The following LSAMP variants were observed in gnomAD, a reference collection of about 807,000 sequenced individuals.
The protein encoded by LSAMP is limbic system associated membrane protein.
LSAMP carries 7 observed loss-of-function variants against 38.6 expected under a neutral mutation model. The observed-to-expected ratio is 0.18, with a 90% CI of 0.10 to 0.34. LSAMP has a LOEUF of 0.34. Ranked by LOEUF, LSAMP falls within the 10% of genes least tolerant of loss-of-function variation. The probability of loss-of-function intolerance (pLI) is 1.00; values close to 1 mark genes in which losing one functional copy is unlikely to be tolerated. For synonymous variants in LSAMP, 154 were observed against 166.8 expected (o/e 0.92, Z 0.59); for missense variants, 313 against 420.0 (o/e 0.75, Z 2.23).
chr3:115,812,505 G>A (rs1418014641), intron 6 of LSAMP, among the ~76,000 whole-genome samples: 3 of 151,878 alleles, frequency 2.0e-5, no homozygotes, highest in Non-Finnish European at 4.4e-5. Flanking sequence ...TTGGACTTTT[G>A]GGACCTTCAA....
intron 3 of LSAMP, among the ~76,000 whole-genome samples, chr3:115,987,207 TCTAAGC>T (rs1239199956): frequency 6.6e-6 from 1 of 152,182 alleles, no homozygotes; most frequent in East Asian, 1.9e-4. Context: ...AGATCACATT[TCTAAGC>T]CTCCCCTGTG....
chr3:116,156,838 T>C (rs1192658300), intron 1 of LSAMP, among the ~76,000 whole-genome samples: 4 of 152,080 alleles, frequency 2.6e-5, no homozygotes, highest in African/African-American at 9.7e-5. Flanking sequence ...TTGTCTTAAG[T>C]AGAAAAATGT....
intron 1 of LSAMP, among the ~76,000 whole-genome samples, chr3:116,357,559 G>A (rs1299517060): frequency 6.6e-6 from 1 of 151,956 alleles, no homozygotes; most frequent in African/African-American, 2.4e-5. Context: ...AGAATACTAG[G>A]TATAGAGGAT....
chr3:116,297,730 C>T (rs1212899889), intron 1 of LSAMP, among the ~76,000 whole-genome samples: 4 of 152,006 alleles, frequency 2.6e-5, no homozygotes, highest in African/African-American at 9.7e-5. Context: ...TAAAAGTCAA[C>T]TAACTTTTCT....
chr3:116,172,716 A>G (rs1268235351), intron 1 of LSAMP, among the ~76,000 whole-genome samples: 2 of 151,928 alleles, frequency 1.3e-5, no homozygotes, highest in Admixed American at 6.6e-5. Context: ...ATAGAAATAT[A>G]AGCACCTAAT....
At chr3:115,984,344 T>C (rs1444388060) in intron 3 of LSAMP, among the ~76,000 whole-genome samples, 3 of 152,166 alleles carry the variant, frequency 2.0e-5, no homozygotes, top group Non-Finnish European at 4.4e-5. Context: ...AAGAGTTAGA[T>C]ATATGGGCCT....
intron 3 of LSAMP, among the ~76,000 whole-genome samples, chr3:115,995,769 T>A (rs1576292325): frequency 6.6e-6 from 1 of 152,186 alleles, no homozygotes; most frequent in East Asian, 1.9e-4. Context: ...TTACATTTGA[T>A]CCCCAATGAC....
At chr3:116,125,526 T>C (rs1179352890) in intron 1 of LSAMP, among the ~76,000 whole-genome samples, 1 of 152,096 alleles carries the variant, frequency 6.6e-6, no homozygotes, top group East Asian at 1.9e-4. Context: ...TTTTCCCCTT[T>C]TCCAACACTC....
intron 1 of LSAMP, among the ~76,000 whole-genome samples, chr3:116,317,512 C>T (rs1481538251): frequency 1.2e-4 from 18 of 151,954 alleles, no homozygotes; most frequent in Non-Finnish European, 1.9e-4. Context: ...CCCGCCACCA[C>T]GTCTGGCTAA....
chr3:115,972,313 A>G (rs1939044425), intron 3 of LSAMP, among the ~76,000 whole-genome samples: 1 of 152,078 alleles, frequency 6.6e-6, no homozygotes, highest in African/African-American at 2.4e-5. Context: ...AAAAGAGAGC[A>G]TAGAAATAAG....
chr3:116,348,472 G>C (rs1237692295), intron 1 of LSAMP, among the ~76,000 whole-genome samples: 3 of 152,086 alleles, frequency 2.0e-5, no homozygotes, highest in Non-Finnish European at 4.4e-5. Flanking sequence ...TGTCCTATGA[G>C]AAGGAAGGGG....
intron 1 of LSAMP, among the ~76,000 whole-genome samples, chr3:116,212,143 T>G (rs1413818075): frequency 6.6e-6 from 1 of 152,230 alleles, no homozygotes; most frequent in African/African-American, 2.4e-5. Flanking sequence ...CACAGCCTAC[T>G]ACTTCTGGAA....
At chr3:116,350,829 G>A (rs1020798144) in intron 1 of LSAMP, among the ~76,000 whole-genome samples, 3 of 151,926 alleles carry the variant, frequency 2.0e-5, no homozygotes, top group Non-Finnish European at 4.4e-5. Flanking sequence ...TTGTGAAGAA[G>A]GATAAAAGAA....
At chr3:116,248,586 A>G (rs912078455) in intron 1 of LSAMP, among the ~76,000 whole-genome samples, 2 of 150,408 alleles carry the variant, frequency 1.3e-5, no homozygotes, top group Admixed American at 1.3e-4. Context: ...CCATTTTGCA[A>G]ATGTTAGCTT....
intron 3 of LSAMP, among the ~76,000 whole-genome samples, chr3:115,853,382 T>C (rs943017774): frequency 6.6e-6 from 1 of 152,208 alleles, no homozygotes. Flanking sequence ...CTGTGTCATC[T>C]GGGGTTTGGG....
At chr3:116,185,089 A>T (rs1237395903) in intron 1 of LSAMP, among the ~76,000 whole-genome samples, 1 of 139,052 alleles carries the variant, frequency 7.2e-6, no homozygotes, top group East Asian at 2.1e-4. Flanking sequence ...GGAGATTAAT[A>T]GCTGGGTGAT....
Position 116,220,923 on chromosome 3 carries a change from G to A in LSAMP, c.156-134367C>T, listed in dbSNP as rs547711712. On this transcript the variant is annotated intron_variant, in intron 1 of 6. Coordinates refer to ENST00000490035, the MANE Select transcript of LSAMP (RefSeq NM_002338.5). The stretch of plus-strand genomic sequence containing the variant: ...TAATCCCAGCACTTTGGGAGGCCGG[G>A]GCAGGCGGATCACGAGGTCAGGAGA... Among the ~76,000 whole-genome samples the A allele has an allele frequency of 2.5e-3, 383 of 152,212 alleles. 4 individuals carry two copies. Among genetic ancestry groups the A allele is most frequent in the African/African-American group, 8.8e-3 (367 of 41,554 alleles).
intron 3 of LSAMP, among the ~76,000 whole-genome samples, chr3:115,898,773 T>C (rs935653490): frequency 3.3e-5 from 5 of 152,014 alleles, no homozygotes; most frequent in African/African-American, 1.2e-4. Flanking sequence ...ATGGGGAGCA[T>C]GGTGCTTCCT....
intron 1 of LSAMP, among the ~76,000 whole-genome samples, chr3:116,430,892 T>C (rs887488310): frequency 1.3e-5 from 2 of 152,094 alleles, no homozygotes; most frequent in African/African-American, 4.8e-5. Flanking sequence ...CCTATTTAAA[T>C]TATAAACTAC....
Sources: allele counts gnomAD v4.1 joint callset (sites outside exome capture counted in the v4.1 genomes callset), GRCh38; gene constraint gnomAD v4.1.1; transcripts MANE v1.5; gene names NCBI Gene and HGNC (gene_info 2026-07-23, HGNC 2026-07-21).